The following DYNLT2B variants were observed in gnomAD, a reference collection of about 807,000 sequenced individuals.
The protein encoded by DYNLT2B is dynein light chain Tctex-type protein 2B.
Under a neutral mutation model 19.5 loss-of-function variants are expected in DYNLT2B, and 14 were observed. That is an observed-to-expected ratio of 0.72 (90% CI 0.47 to 1.12). DYNLT2B has a LOEUF of 1.12. DYNLT2B is among the 50% of genes most tolerant of loss of function. DYNLT2B has a pLI of 0.00. For synonymous variants in DYNLT2B, 70 were observed against 59.7 expected (o/e 1.17, Z -0.79); for missense variants, 133 against 174.7 (o/e 0.76, Z 1.35).
At chr3:196,308,816 C>A (rs573945833) in intron 2 of DYNLT2B, among the ~76,000 whole-genome samples, 3 of 152,260 alleles carry the variant, frequency 2.0e-5, no homozygotes, top group Admixed American at 2.0e-4. Flanking sequence ...TAACCAATCC[C>A]AAATTATACA....
At chr3:196,315,323 C>T (rs757370707) in intron 2 of DYNLT2B, 67 of 377,668 alleles carry the variant, frequency 1.8e-4, no homozygotes, top group Non-Finnish European at 2.8e-4. Flanking sequence ...AGTGCAGTGA[C>T]GCGATCTCAG....
intron 1 of DYNLT2B, among the ~76,000 whole-genome samples, chr3:196,317,306 TAG>T (rs1259588808): frequency 1.0e-5 from 1 of 96,040 alleles, no homozygotes; most frequent in Non-Finnish European, 2.1e-5. Flanking sequence ...TGTGTAAAGT[TAG>T]TGATCTTACA....
intron 2 of DYNLT2B, among the ~76,000 whole-genome samples, chr3:196,308,278 G>C (rs550061662): frequency 1.8e-4 from 27 of 152,002 alleles, no homozygotes; most frequent in Non-Finnish European, 3.2e-4. Flanking sequence ...TGAGTCTTGA[G>C]GGCTGAGTAA....
intron 3 of DYNLT2B, among the ~76,000 whole-genome samples, chr3:196,301,227 C>T (rs775211431): frequency 2.0e-5 from 3 of 152,172 alleles, no homozygotes; most frequent in Non-Finnish European, 4.4e-5. Flanking sequence ...TCCTGCACAG[C>T]AGAAGAGAGA....
intron 2 of DYNLT2B, 133 bp downstream of exon 2, chr3:196,315,964 TA>T: frequency 1.1e-6 from 1 of 939,328 alleles, no homozygotes; most frequent in Non-Finnish European, 1.5e-6. Flanking sequence ...CTTGGCATGC[TA>T]AAGTGTTGGG....
At chr3:196,298,467 CCA>C (rs1403295319) in intron 3 of DYNLT2B, among the ~76,000 whole-genome samples, 5 of 152,028 alleles carry the variant, frequency 3.3e-5, no homozygotes, top group Non-Finnish European at 7.4e-5. Flanking sequence ...ACGTGCATTA[CCA>C]CGCCTGGCTA....
intron 2 of DYNLT2B, among the ~76,000 whole-genome samples, chr3:196,312,509 A>AG (rs1726669427): frequency 6.6e-6 from 1 of 152,106 alleles, no homozygotes; most frequent in South Asian, 2.1e-4. Flanking sequence ...CCCAGGCTGG[A>AG]GTGCAGTGGC....
intron 2 of DYNLT2B, chr3:196,315,185 G>A: frequency 2.4e-6 from 1 of 420,724 alleles, no homozygotes; most frequent in Non-Finnish European, 4.6e-6. Context: ...AGACACTGAA[G>A]AAAAAGTTGT....
chr3:196,306,762 A>G (rs1009813831), intron 3 of DYNLT2B, among the ~76,000 whole-genome samples, 181 bp downstream of exon 3: 4 of 151,944 alleles, frequency 2.6e-5, no homozygotes, highest in Non-Finnish European at 5.9e-5. Context: ...GCTGGTCTTG[A>G]ACTCCTGACC....
At chr3:196,298,888 G>T (rs1279417878) in intron 3 of DYNLT2B, among the ~76,000 whole-genome samples, 1 of 152,026 alleles carries the variant, frequency 6.6e-6, no homozygotes, top group Non-Finnish European at 1.5e-5. Context: ...AGAGTTGGCA[G>T]TCTTTACTTT....
At chr3:196,292,415 T>C (rs1726113881) in intron 4 of DYNLT2B, 1 of 152,224 alleles carries the variant, frequency 6.6e-6, no homozygotes, top group African/African-American at 2.4e-5. Context: ...AACTCTGAAC[T>C]GTGTTCTACG....
chr3:196,315,943 A>G (rs1726778856), intron 2 of DYNLT2B, 155 bp downstream of exon 2: 1 of 737,346 alleles, frequency 1.4e-6, no homozygotes, highest in Non-Finnish European at 2.1e-6. Context: ...GAGCTCAAGC[A>G]ATCTTCCTGC....
intron 4 of DYNLT2B, among the ~76,000 whole-genome samples, chr3:196,293,563 T>G (rs911873727): frequency 1.4e-5 from 2 of 146,608 alleles, no homozygotes; most frequent in Admixed American, 1.4e-4. Flanking sequence ...GAGGCAGAGG[T>G]TGCAGTGAGC....
At chr3:196,309,267 T>C (rs1726569808) in intron 2 of DYNLT2B, among the ~76,000 whole-genome samples, 1 of 152,020 alleles carries the variant, frequency 6.6e-6, no homozygotes, top group Non-Finnish European at 1.5e-5. Flanking sequence ...ACAATTTTTC[T>C]TTTTTTCTTT....
At chr3:196,316,812 G>A (rs1726811352) in intron 1 of DYNLT2B, among the ~76,000 whole-genome samples, 1 of 150,940 alleles carries the variant, frequency 6.6e-6, no homozygotes, top group Admixed American at 6.6e-5. Context: ...TGGGGTGTGT[G>A]TGTGTGTGTA....
rs759988226 is a variant in DYNLT2B at position 196,318,182 on chromosome 3, G to C, written c.-30C>G. ...GGGCTTCTCGGTCCGGGCGTAGCTC[G>C]CGATGAAGGCCTAGCGGGTTGCGGT... On this transcript the variant is annotated 5_prime_UTR_variant, in exon 1 of 5. Transcript: ENST00000325318. 4 of 1,346,438 alleles carry C rather than the reference G, an allele frequency of 3.0e-6. No homozygotes were observed. Among genetic ancestry groups the C allele is most frequent in the East Asian group, 2.9e-5 (1 of 35,010 alleles). The allele number at this position is 1,346,438 out of a possible 1,614,324, so 83.4% of individuals were successfully genotyped here.
intron 3 of DYNLT2B, 48 bp from the exon 4 acceptor site, chr3:196,296,117 A>G (rs758053780): frequency 6.7e-7 from 1 of 1,492,684 alleles, no homozygotes; most frequent in South Asian, 1.1e-5. Context: ...ACAAGGACCT[A>G]AACGACACAT....
At position 196,291,256 on chromosome 3, in the gene DYNLT2B, G is replaced by T; in HGVS notation, c.*71C>A. The T allele has an allele frequency of 7.3e-7, 1 of 1,372,450 alleles. No homozygotes were observed. Among genetic ancestry groups the T allele is most frequent in the Non-Finnish European group, 1.0e-6 (1 of 992,412 alleles). The allele number at this position is 1,372,450 out of a possible 1,614,324, so 85.0% of individuals were successfully genotyped here. A position where few individuals can be genotyped will look rare whatever the true frequency, so the allele number is the denominator to read the frequency against. On this transcript the variant is annotated 3_prime_UTR_variant, in exon 5 of 5. Transcript: ENST00000325318. ...ACTACTAACATCTTTATTTTGTCAA[G>T]ATATTTAACAATATTAAAAAGTTCA...
rs533399548 is a variant in DYNLT2B at position 196,293,646 on chromosome 3, ATTTTTTTT to A, written c.382-2280_382-2273del. ...GTCTCAAAACAAACAAACAAGATGC[ATTTTTTTT>A]TTTTTTTTTGAGACAGAGTCTCGCT... On this transcript the variant is annotated intron_variant, in intron 4 of 4. Transcript: ENST00000325318. 1.0e-3 allele frequency among the ~76,000 whole-genome samples: 122 copies of A among 118,896 alleles called. 1 individual carries two copies. The highest frequency in any genetic ancestry group is 3.7e-3 in the African/African-American group (118 of 32,022). 78.0% of individuals were successfully genotyped at this position (118,896 alleles called of 152,430 possible).
Sources: allele counts gnomAD v4.1 joint callset (sites outside exome capture counted in the v4.1 genomes callset), GRCh38; gene constraint gnomAD v4.1.1; transcripts MANE v1.5; gene names NCBI Gene and HGNC (gene_info 2026-07-23, HGNC 2026-07-21).